Variants in PKHD1 observed in about 807,000 individuals in gnomAD.
PKHD1 encodes the protein PKHD1 ciliary IPT domain containing fibrocystin/polyductin, also known as fibrocystin.
Under a neutral mutation model 412.0 loss-of-function variants are expected in PKHD1, and 291 were observed. The observed-to-expected ratio is 0.71, with a 90% CI of 0.64 to 0.78. PKHD1 has a LOEUF of 0.78. Among genes scored for constraint, PKHD1 ranks in the 30% least tolerant of loss-of-function variants. The pLI, the probability that PKHD1 is intolerant of heterozygous loss-of-function variation, is 0.00. For missense variants in PKHD1, 4,825 were observed against 4,950.7 expected (o/e 0.97, Z 0.76); for synonymous variants, 1,777 against 1,821.5 (o/e 0.98, Z 0.62).
chr6:52,054,312 G>A (rs529478074), intron 19 of PKHD1, 147 bp from the exon 20 acceptor site: 5 of 687,554 alleles, frequency 7.3e-6, no homozygotes, highest in South Asian at 1.9e-5. Flanking sequence ...GCTTACCAGT[G>A]TAGCCAGAGA....
At position 51,775,319 on chromosome 6, in the gene PKHD1, G is replaced by A. The variant is rs1562283534; in HGVS notation, c.8554+489C>T. ...TTATGCCTCAAAACTGAGTTAGTTG[G>A]GGATACATACATATGGTTATACAAG... On this transcript the variant is annotated intron_variant, in intron 54 of 66. Transcript: ENST00000371117. Among the ~76,000 whole-genome samples the A allele has an allele frequency of 2.0e-5, 3 of 151,684 alleles. No individual in the cohort carries two copies. In the South Asian group the frequency reaches 6.2e-4, roughly 32 times the overall value.
chr6:52,077,372 T>C lies in PKHD1; in HGVS notation c.391-1039A>G, dbSNP rs149119991. Among the ~76,000 whole-genome samples, 330 of 152,258 alleles carry C rather than the reference T, an allele frequency of 2.2e-3. 1 individual carries two copies. Among genetic ancestry groups the C allele is most frequent in the African/African-American group, 7.7e-3 (320 of 41,538 alleles). On this transcript the variant is annotated intron_variant, in intron 5 of 66. Coordinates refer to ENST00000371117, the MANE Select transcript of PKHD1 (RefSeq NM_138694.4). ...ACCAAGGCTTGACCTGTGAGCCAAT[T>C]ACTTACCTAGGAAGAGACCTAGTCT...
chr6:51,947,233 C>T (rs914991122), intron 36 of PKHD1, among the ~76,000 whole-genome samples: 2 of 152,192 alleles, frequency 1.3e-5, no homozygotes, highest in Non-Finnish European at 2.9e-5. Flanking sequence ...CACTTCTTTC[C>T]TAAAACTCCC....
intron 37 of PKHD1, among the ~76,000 whole-genome samples, chr6:51,916,251 C>T (rs896721857): frequency 1.3e-5 from 2 of 152,108 alleles, no homozygotes; most frequent in African/African-American, 4.8e-5. Context: ...TGTAAACTCC[C>T]ATCAGATATA....
chr6:51,740,059 T>C (rs748669132), intron 60 of PKHD1: 11 of 517,934 alleles, frequency 2.1e-5, no homozygotes, highest in Non-Finnish European at 1.2e-5. Context: ...GATGCCTCCA[T>C]AATCAAAAGA....
chr6:51,768,416 TTA>T (rs1789498976), intron 55 of PKHD1, among the ~76,000 whole-genome samples: 1 of 152,052 alleles, frequency 6.6e-6, no homozygotes, highest in African/African-American at 2.4e-5. Context: ...GAATAGTGTT[TTA>T]TAGTTTTGTT....
intron 60 of PKHD1, among the ~76,000 whole-genome samples, chr6:51,686,546 T>C (rs986275230): frequency 2.6e-5 from 4 of 152,172 alleles, no homozygotes; most frequent in African/African-American, 9.7e-5. Flanking sequence ...TTCTTTTTGC[T>C]TTCTATGATG....
At chr6:51,802,567 A>G (rs946520576) in intron 52 of PKHD1, among the ~76,000 whole-genome samples, 1 of 151,662 alleles carries the variant, frequency 6.6e-6, no homozygotes, top group South Asian at 2.1e-4. Flanking sequence ...TTATTTTCCT[A>G]TGTGGGTTTT....
At chr6:51,627,830 CTTCTA>C (rs1767456138) in intron 65 of PKHD1, among the ~76,000 whole-genome samples, 1 of 152,080 alleles carries the variant, frequency 6.6e-6, no homozygotes, top group South Asian at 2.1e-4. Context: ...GATACTTCAT[CTTCTA>C]TTCATTTATT....
At chr6:52,077,144 C>T (rs890522257) in intron 5 of PKHD1, among the ~76,000 whole-genome samples, 3 of 152,124 alleles carry the variant, frequency 2.0e-5, no homozygotes, top group Non-Finnish European at 4.4e-5. Context: ...AGACGACATT[C>T]GAATTTTTGT....
chr6:52,031,536 A>G (rs981975731), intron 29 of PKHD1, among the ~76,000 whole-genome samples: 1 of 152,202 alleles, frequency 6.6e-6, no homozygotes, highest in Non-Finnish European at 1.5e-5. Flanking sequence ...TAATTTCTTG[A>G]AAGTTCTTCT....
At chr6:51,620,393 G>C (rs1211301512) in intron 66 of PKHD1, among the ~76,000 whole-genome samples, 4 of 152,126 alleles carry the variant, frequency 2.6e-5, no homozygotes, top group African/African-American at 4.8e-5. Context: ...AGAATGTTCA[G>C]TGGGATACAT....
intron 64 of PKHD1, 104 bp downstream of exon 64, chr6:51,638,745 C>G (rs2580021): frequency 1.3e-6 from 1 of 760,544 alleles, no homozygotes; most frequent in Non-Finnish European, 2.3e-6. Flanking sequence ...CTATGATGAC[C>G]TCTTATTCAT....
intron 60 of PKHD1, among the ~76,000 whole-genome samples, chr6:51,702,648 T>C (rs1220823265): frequency 6.6e-6 from 1 of 151,994 alleles, no homozygotes; most frequent in African/African-American, 2.4e-5. Flanking sequence ...TTTTAATAAC[T>C]GAACAAGAAA....
chr6:51,619,865 G>A (rs1766392123), intron 66 of PKHD1, among the ~76,000 whole-genome samples: 1 of 152,092 alleles, frequency 6.6e-6, no homozygotes, highest in Admixed American at 6.6e-5. Flanking sequence ...TTACCAACAG[G>A]CCAACTCACA....
At chr6:51,772,356 G>C (rs1790289124) in intron 55 of PKHD1, among the ~76,000 whole-genome samples, 1 of 151,724 alleles carries the variant, frequency 6.6e-6, no homozygotes, top group African/African-American at 2.4e-5. Flanking sequence ...ATATCTTAAT[G>C]AGGTACCTTT....
intron 12 of PKHD1, 118 bp from the exon 13 acceptor site, chr6:52,065,168 T>TATATATATATATAGAGAGAGAGAGAGAG (rs1472830438): frequency 3.2e-5 from 1 of 31,412 alleles, no homozygotes; most frequent in Non-Finnish European, 5.6e-5. Flanking sequence ...TATATATATA[T>TATATATATATATAGAGAGAGAGAGAGAG]AGAGAGAGAG....
At chr6:51,870,440 A>C (rs754150473) in intron 47 of PKHD1, 64 bp downstream of exon 47, 2 of 1,308,294 alleles carry the variant, frequency 1.5e-6, no homozygotes, top group Non-Finnish European at 2.2e-6. Context: ...ATTTGCCACT[A>C]TTTATAATAC....
intron 63 of PKHD1, among the ~76,000 whole-genome samples, chr6:51,647,071 T>C (rs781084868): frequency 6.6e-6 from 1 of 152,214 alleles, no homozygotes; most frequent in Non-Finnish European, 1.5e-5. Flanking sequence ...TGATCTCCCT[T>C]AGTTATGAGG....
Sources: allele counts gnomAD v4.1 joint callset (sites outside exome capture counted in the v4.1 genomes callset), GRCh38; gene constraint gnomAD v4.1.1; transcripts MANE v1.5; gene names NCBI Gene and HGNC (gene_info 2026-07-23, HGNC 2026-07-21).